Variants in CNTN4 observed in about 807,000 individuals in gnomAD.
The protein encoded by CNTN4 is contactin 4.
CNTN4 carries 77 observed loss-of-function variants against 122.5 expected under a neutral mutation model. That is an observed-to-expected ratio of 0.63 (90% CI 0.52 to 0.76). The LOEUF (loss-of-function observed/expected upper bound fraction) is 0.76. Ranked by LOEUF, CNTN4 falls within the 30% of genes least tolerant of loss-of-function variation. The pLI is 0.00. For missense variants in CNTN4, 1,256 were observed against 1,259.1 expected, an observed-to-expected ratio of 1.00 and a Z score of 0.04; for synonymous variants, 512 against 447.0, an observed-to-expected ratio of 1.15 and a Z score of -1.83.
intron 17 of CNTN4, 124 bp from the exon 18 acceptor site, chr3:3,037,055 C>T: frequency 8.8e-7 from 1 of 1,131,298 alleles, no homozygotes; most frequent in Non-Finnish European, 1.3e-6. Flanking sequence ...AATATCAGAA[C>T]ACCTACACTG....
At chr3:2,662,675 T>TAGGG (rs1416649631) in intron 4 of CNTN4, among the ~76,000 whole-genome samples, 1 of 152,152 alleles carries the variant, frequency 6.6e-6, no homozygotes, top group African/African-American at 2.4e-5. Flanking sequence ...ACAGAAGGTA[T>TAGGG]AGGGACCTTC....
intron 2 of CNTN4, among the ~76,000 whole-genome samples, chr3:2,171,835 A>G (rs2036529898): frequency 6.6e-6 from 1 of 152,212 alleles, no homozygotes; most frequent in Non-Finnish European, 1.5e-5. Flanking sequence ...TGTGTTTGGT[A>G]TTAATATTGA....
rs75403244 is a variant in CNTN4 at position 2,105,591 on chromosome 3, C to T, written c.-145+4952C>T. Among the ~76,000 whole-genome samples the T allele has an allele frequency of 2.6e-3, 390 of 152,216 alleles. 6 individuals are homozygous for T. The East Asian group carries it at 0.033, about 13-fold the overall frequency. ...CTCATGAGAACTCACAATCATGAGA[C>T]CAGCATGGGGGAAACTGCTTCCACA... On this transcript the variant is annotated intron_variant, in intron 2 of 24. Coordinates refer to ENST00000418658, the MANE Select transcript of CNTN4 (RefSeq NM_175607.3).
At chr3:2,116,201 C>A (rs2033338870) in intron 2 of CNTN4, among the ~76,000 whole-genome samples, 1 of 152,078 alleles carries the variant, frequency 6.6e-6, no homozygotes. Flanking sequence ...CACTTTCATA[C>A]CCAGTTTACT....
At chr3:2,189,381 T>C (rs2037420619) in intron 2 of CNTN4, among the ~76,000 whole-genome samples, 2 of 152,126 alleles carry the variant, frequency 1.3e-5, no homozygotes, top group Non-Finnish European at 1.5e-5. Flanking sequence ...CAGAAGAGGC[T>C]AACCAGCTGA....
Position 2,674,292 on chromosome 3 carries a change from C to G in CNTN4, c.56-61923C>G, listed in dbSNP as rs188585176. On this transcript the variant is annotated intron_variant, in intron 4 of 24. Coordinates refer to ENST00000418658, the MANE Select transcript of CNTN4 (RefSeq NM_175607.3). ...GTTTTTTTTTATATTTTTTAATTGA[C>G]ACATAATTGCATATATTTATGGGGT... 6.8e-4 allele frequency among the ~76,000 whole-genome samples: 103 copies of G among 151,884 alleles called. 1 individual carries two copies. Among genetic ancestry groups the G allele is most frequent in the African/African-American group, 1.8e-3 (74 of 41,392 alleles).
At chr3:2,853,805 CTGATT>C (rs71845198) in intron 7 of CNTN4, among the ~76,000 whole-genome samples, 62,918 of 151,742 alleles carry the variant, frequency 0.41, 13,170 homozygotes, top group Admixed American at 0.49. Flanking sequence ...CTCTGATTGG[CTGATT>C]TAAGTCATGT....
At chr3:2,577,844 C>T (rs2079763045) in intron 4 of CNTN4, among the ~76,000 whole-genome samples, 2 of 152,118 alleles carry the variant, frequency 1.3e-5, no homozygotes, top group Non-Finnish European at 2.9e-5. Context: ...GATACATTCT[C>T]AGTTGATCTT....
At chr3:2,449,592 G>A (rs2048749193) in intron 3 of CNTN4, among the ~76,000 whole-genome samples, 2 of 144,788 alleles carry the variant, frequency 1.4e-5, no homozygotes, top group Admixed American at 1.4e-4. Flanking sequence ...TCCAGCCTGG[G>A]TGACAGAGCA....
At chr3:2,395,435 T>C in intron 3 of CNTN4, among the ~76,000 whole-genome samples, 1 of 152,202 alleles carries the variant, frequency 6.6e-6, no homozygotes, top group East Asian at 1.9e-4. Context: ...GATTGAACTA[T>C]ATACTTTCCT....
At chr3:2,393,882 G>A (rs548482255) in intron 3 of CNTN4, among the ~76,000 whole-genome samples, 2 of 152,138 alleles carry the variant, frequency 1.3e-5, no homozygotes, top group African/African-American at 4.8e-5. Context: ...CATTGTCACT[G>A]CTCTTGGTGG....
intron 4 of CNTN4, among the ~76,000 whole-genome samples, chr3:2,577,995 C>G (rs73110629): frequency 5.0e-4 from 76 of 152,226 alleles, no homozygotes; most frequent in African/African-American, 1.7e-3. Flanking sequence ...GTTATTATAT[C>G]TGCATCTGGG....
At chr3:2,456,783 G>T (rs1189518240) in intron 3 of CNTN4, among the ~76,000 whole-genome samples, 1 of 152,018 alleles carries the variant, frequency 6.6e-6, no homozygotes, top group Non-Finnish European at 1.5e-5. Flanking sequence ...ATGGACGCTT[G>T]AGTTGTTTCC....
chr3:2,181,813 G>T (rs557933999), intron 2 of CNTN4, among the ~76,000 whole-genome samples: 1 of 151,990 alleles, frequency 6.6e-6, no homozygotes, highest in East Asian at 1.9e-4. Context: ...ATAAATTCCC[G>T]GTCAGAGAAA....
chr3:2,664,019 G>A (rs1161558207), intron 4 of CNTN4, among the ~76,000 whole-genome samples: 4 of 152,052 alleles, frequency 2.6e-5, no homozygotes, highest in Non-Finnish European at 5.9e-5. Flanking sequence ...GGGTAGTGGG[G>A]AAAAGGGAAC....
chr3:3,049,721 G>T (rs56188904), intron 23 of CNTN4, among the ~76,000 whole-genome samples: 12 of 152,300 alleles, frequency 7.9e-5, no homozygotes, highest in African/African-American at 2.9e-4. Flanking sequence ...TGAGATTTCA[G>T]TTGGGCCTTG....
intron 2 of CNTN4, among the ~76,000 whole-genome samples, chr3:2,101,820 T>A (rs1263058811): frequency 6.6e-6 from 1 of 152,230 alleles, no homozygotes; most frequent in Non-Finnish European, 1.5e-5. Flanking sequence ...CATGTTGCTG[T>A]TATGTATCCC....
At chr3:2,495,919 C>T (rs776124925) in intron 3 of CNTN4, among the ~76,000 whole-genome samples, 1 of 152,170 alleles carries the variant, frequency 6.6e-6, no homozygotes, top group Non-Finnish European at 1.5e-5. Flanking sequence ...GAACATAGCA[C>T]AGAGAAGGCA....
chr3:2,651,748 G>A (rs1308560936), intron 4 of CNTN4, among the ~76,000 whole-genome samples: 1 of 150,796 alleles, frequency 6.6e-6, no homozygotes, highest in Non-Finnish European at 1.5e-5. Flanking sequence ...TGTTGCCCAG[G>A]CTAGAGGGCA....
Sources: allele counts gnomAD v4.1 joint callset (sites outside exome capture counted in the v4.1 genomes callset), GRCh38; gene constraint gnomAD v4.1.1; transcripts MANE v1.5; gene names NCBI Gene and HGNC (gene_info 2026-07-23, HGNC 2026-07-21).